MMP26: variants seen among roughly 807,000 people sequenced by gnomAD.
MMP26 encodes the protein matrix metalloproteinase-26.
MMP26 carries 33 observed loss-of-function variants against 31.0 expected under a neutral mutation model. The ratio of observed to expected loss-of-function variants is 1.06; its 90% CI spans 0.81 to 1.42. The LOEUF (loss-of-function observed/expected upper bound fraction) is 1.42. MMP26 is among the 40% of genes most tolerant of loss of function. MMP26 has a pLI of 0.00. For missense variants in MMP26, 347 were observed against 316.1 expected, an observed-to-expected ratio of 1.10 and a Z score of -0.74; for synonymous variants, 122 against 114.9, an observed-to-expected ratio of 1.06 and a Z score of -0.40.
chr11:4,931,799 G>A (rs927881289), intron 2 of MMP26, among the ~76,000 whole-genome samples: 5 of 152,020 alleles, frequency 3.3e-5, no homozygotes, highest in Non-Finnish European at 2.9e-5. Context: ...TCTTAGAAAG[G>A]AGAATGCAAT....
At chr11:4,839,158 AG>A (rs1230012253) in intron 2 of MMP26, among the ~76,000 whole-genome samples, 1 of 152,130 alleles carries the variant, frequency 6.6e-6, no homozygotes, top group Non-Finnish European at 1.5e-5. Context: ...CCATAATCAG[AG>A]GGGAATCACT....
At chr11:4,939,361 T>C (rs1846175271) in intron 2 of MMP26, among the ~76,000 whole-genome samples, 2 of 152,186 alleles carry the variant, frequency 1.3e-5, no homozygotes, top group Non-Finnish European at 2.9e-5. Flanking sequence ...GTCTGATTTT[T>C]ACCTCTTGGT....
intron 2 of MMP26, among the ~76,000 whole-genome samples, chr11:4,872,299 C>T (rs141102053): frequency 0.012 from 1,762 of 152,058 alleles, 31 homozygotes; most frequent in African/African-American, 0.039. Flanking sequence ...TTACATTGCT[C>T]GTGTTTTTTA....
chr11:4,824,941 T>A (rs946082891), intron 2 of MMP26, among the ~76,000 whole-genome samples: 2 of 152,148 alleles, frequency 1.3e-5, no homozygotes, highest in African/African-American at 4.8e-5. Context: ...ACTCATTTGA[T>A]TCCGGTTAGT....
intron 2 of MMP26, among the ~76,000 whole-genome samples, chr11:4,781,201 A>G (rs926675012): frequency 3.9e-5 from 6 of 152,214 alleles, no homozygotes; most frequent in African/African-American, 1.4e-4. Flanking sequence ...TGATGGTTGT[A>G]CGACTGCATA....
chr11:4,723,256 C>T (rs1848043733), intron 1 of MMP26: 1 of 1,173,074 alleles, frequency 8.5e-7, no homozygotes, highest in East Asian at 2.3e-5. Flanking sequence ...TGTTCCAGTT[C>T]ATCTTGCAGA....
chr11:4,761,477 C>T (rs1289501618), intron 1 of MMP26, among the ~76,000 whole-genome samples: 1 of 152,124 alleles, frequency 6.6e-6, no homozygotes, highest in Non-Finnish European at 1.5e-5. Flanking sequence ...ATAAGTGTGC[C>T]TCTGTGGGAT....
chr11:4,872,346 G>A lies in MMP26; in HGVS notation c.-145+105005G>A, dbSNP rs186923899. ...GAGTCTAGAATGATCACAATGCTCA[G>A]CAAGCATTACTTTTTCATTTCCTTC... On this transcript the variant is annotated intron_variant, in intron 2 of 7. Transcript: ENST00000380390. Among the ~76,000 whole-genome samples, 384 of 152,100 alleles carry A rather than the reference G, an allele frequency of 2.5e-3. 1 individual carries two copies. The highest frequency in any genetic ancestry group is 8.7e-3 in the African/African-American group (363 of 41,522).
At chr11:4,788,563 A>G (rs573888056) in intron 2 of MMP26, among the ~76,000 whole-genome samples, 17 of 152,162 alleles carry the variant, frequency 1.1e-4, no homozygotes, top group Non-Finnish European at 2.4e-4. Flanking sequence ...TAGTATCTGC[A>G]TAAGTATCCA....
chr11:4,885,783 T>C (rs1850538737), intron 2 of MMP26, among the ~76,000 whole-genome samples: 3 of 152,242 alleles, frequency 2.0e-5, no homozygotes, highest in South Asian at 4.1e-4. Flanking sequence ...CCTGCTATTA[T>C]TCATTATTCT....
At chr11:4,822,186 C>T (rs1018488108) in intron 2 of MMP26, 5 of 1,604,674 alleles carry the variant, frequency 3.1e-6, no homozygotes, top group East Asian at 2.2e-5. Flanking sequence ...TCTTCTACCT[C>T]CCTCTCATCA....
At chr11:4,968,482 TA>T (rs529271413) in intron 2 of MMP26, among the ~76,000 whole-genome samples, 20 of 150,510 alleles carry the variant, frequency 1.3e-4, no homozygotes, top group Middle Eastern at 3.4e-3. Flanking sequence ...TTTTCAAAAA[TA>T]AAAAAAAAGA....
intron 1 of MMP26, among the ~76,000 whole-genome samples, chr11:4,765,423 C>T (rs1366721399): frequency 1.3e-5 from 2 of 152,190 alleles, no homozygotes; most frequent in East Asian, 3.9e-4. Flanking sequence ...ACAGGTCCTG[C>T]TCCTCTATTC....
At chr11:4,892,446 T>G (rs182824585) in intron 2 of MMP26, among the ~76,000 whole-genome samples, 1 of 152,294 alleles carries the variant, frequency 6.6e-6, no homozygotes, top group Non-Finnish European at 1.5e-5. Context: ...TTGCAGTACC[T>G]CAATTGTCCT....
At chr11:4,791,365 A>G (rs1379111615) in intron 2 of MMP26, among the ~76,000 whole-genome samples, 1 of 152,052 alleles carries the variant, frequency 6.6e-6, no homozygotes, top group Non-Finnish European at 1.5e-5. Flanking sequence ...TTTTTTTCCT[A>G]GTAGAGGACT....
At chr11:4,764,513 A>G (rs12290884) in intron 1 of MMP26, among the ~76,000 whole-genome samples, 30,303 of 152,008 alleles carry the variant, frequency 0.2, 4,045 homozygotes, top group African/African-American at 0.38. Context: ...CTAAAGAGAT[A>G]CTCTCTTAGG....
At chr11:4,869,974 A>G (rs1850289251) in intron 2 of MMP26, among the ~76,000 whole-genome samples, 2 of 152,232 alleles carry the variant, frequency 1.3e-5, no homozygotes, top group Admixed American at 1.3e-4. Flanking sequence ...TCACAAGGAC[A>G]GAAAACCAAA....
At chr11:4,755,571 T>G (rs1848495612) in intron 1 of MMP26, among the ~76,000 whole-genome samples, 1 of 152,060 alleles carries the variant, frequency 6.6e-6, no homozygotes, top group East Asian at 1.9e-4. Flanking sequence ...AGAGATACAT[T>G]GAATTTTGAA....
intron 2 of MMP26, among the ~76,000 whole-genome samples, chr11:4,954,610 G>T (rs4284390): frequency 0.64 from 78,422 of 123,096 alleles, 32,342 homozygotes; most frequent in South Asian, 0.79. Flanking sequence ...GTACTTCCTG[G>T]TTACAGTTTT....
Sources: gnomAD v4.1 joint callset for allele counts (sites outside exome capture counted in the v4.1 genomes callset) on GRCh38, gnomAD v4.1.1 for gene constraint, MANE v1.5 for transcripts, NCBI Gene and HGNC (gene_info 2026-07-23, HGNC 2026-07-21) for gene names.